The following ZNF254 variants were observed in gnomAD, a reference collection of about 807,000 sequenced individuals.
ZNF254 encodes CTD-2017D11.1.
A neutral mutation model predicts 12.4 loss-of-function variants in ZNF254; 10 were observed. The observed-to-expected ratio is 0.80, with a 90% CI of 0.50 to 1.36. ZNF254 has a LOEUF of 1.36. ZNF254 is among the 40% of genes most tolerant of loss of function. ZNF254 has a pLI of 0.00. For missense variants in ZNF254, 996 were observed against 763.9 expected (o/e 1.30, Z -3.58); for synonymous variants, 305 against 253.4 (o/e 1.20, Z -1.93).
intron 2 of ZNF254, among the ~76,000 whole-genome samples, chr19:24,073,568 T>G (rs916367708): frequency 6.6e-6 from 1 of 152,212 alleles, no homozygotes; most frequent in Admixed American, 6.5e-5. Flanking sequence ...GATTGTCATC[T>G]TTCCACATGA....
rs371484637 is a variant in ZNF254 at position 24,127,416 on chromosome 19, A to G, written c.1416A>G (p.Ile472Met). 41 of 1,609,252 alleles carry G rather than the reference A, an allele frequency of 2.5e-5. No individual in the cohort carries two copies. The highest frequency in any genetic ancestry group is 3.3e-5 in the Non-Finnish European group (39 of 1,177,896). Residue 472 changes from isoleucine to methionine, a missense_variant, in exon 4 of 4, where the codon ATA (isoleucine) becomes ATG (methionine). Physicochemically the swap from Ile to Met is conservative, Grantham distance 10. Coordinates refer to ENST00000357002, the MANE Select transcript of ZNF254 (RefSeq NM_203282.4). ...GTGAAGAATGTGGCAAGGCATTTAT[A>G]TGGTCCTCAACCCTAACTAGACATA... ...YKCEECGKAFIWSSTLTRHKR... is the reference protein window; with the variant it reads ...YKCEECGKAFMWSSTLTRHKR...
intron 2 of ZNF254, among the ~76,000 whole-genome samples, chr19:24,060,762 T>C (rs1372797528): frequency 6.6e-6 from 1 of 152,212 alleles, no homozygotes; most frequent in Non-Finnish European, 1.5e-5. Flanking sequence ...CTGTCCATAA[T>C]GAAGATTGTG....
At chr19:24,057,225 C>T (rs892540345) in intron 2 of ZNF254, among the ~76,000 whole-genome samples, 2 of 152,110 alleles carry the variant, frequency 1.3e-5, no homozygotes, top group African/African-American at 4.8e-5. Context: ...AGATTGTCAC[C>T]CTCATCCATG....
chr19:24,082,418 G>A (rs1398819631), upstream of ZNF254, among the ~76,000 whole-genome samples: 3 of 134,706 alleles, frequency 2.2e-5, no homozygotes, highest in African/African-American at 5.7e-5. Flanking sequence ...AGGCCGAGGC[G>A]GGCGGATCAC....
intron 1 of ZNF254, among the ~76,000 whole-genome samples, chr19:24,097,178 C>CT (rs1159651664): frequency 2.0e-5 from 3 of 151,956 alleles, no homozygotes; most frequent in East Asian, 1.9e-4. Flanking sequence ...ATTAATTGCT[C>CT]TTTTTTTGCT....
intron 3 of ZNF254, among the ~76,000 whole-genome samples, chr19:24,110,619 C>T (rs982988322): frequency 6.6e-6 from 1 of 151,994 alleles, no homozygotes; most frequent in African/African-American, 2.4e-5. Flanking sequence ...CATCGTTATG[C>T]AAAAGACTTC....
At chr19:24,044,213 C>G (rs1970286691) in intron 1 of ZNF254, among the ~76,000 whole-genome samples, 1 of 145,954 alleles carries the variant, frequency 6.9e-6, no homozygotes, top group Non-Finnish European at 1.5e-5. Context: ...GCACTCCATC[C>G]TGGCGACAGA....
chr19:24,038,641 G>A (rs910058395), intron 1 of ZNF254, among the ~76,000 whole-genome samples: 4 of 152,122 alleles, frequency 2.6e-5, no homozygotes, highest in African/African-American at 9.7e-5. Flanking sequence ...ATTCTGTATG[G>A]ACCAGTCACA....
intron 2 of ZNF254, among the ~76,000 whole-genome samples, chr19:24,071,979 G>A (rs1377801842): frequency 6.6e-6 from 1 of 152,078 alleles, no homozygotes; most frequent in African/African-American, 2.4e-5. Flanking sequence ...AAATATGGCT[G>A]GGTCCAACAG....
chr19:24,122,138 T>TA (rs1301624143), intron 3 of ZNF254, among the ~76,000 whole-genome samples: 2 of 152,244 alleles, frequency 1.3e-5, no homozygotes, highest in East Asian at 3.8e-4. Context: ...TCACACTAAT[T>TA]ATCTTGACAT....
intron 2 of ZNF254, among the ~76,000 whole-genome samples, chr19:24,060,789 A>G (rs1971036792): frequency 6.6e-6 from 1 of 152,226 alleles, no homozygotes; most frequent in African/African-American, 2.4e-5. Flanking sequence ...CACTTGGCCC[A>G]GCACCTATGT....
At chr19:24,118,133 A>G (rs996063833) in intron 3 of ZNF254, among the ~76,000 whole-genome samples, 16 of 150,056 alleles carry the variant, frequency 1.1e-4, no homozygotes, top group Non-Finnish European at 2.1e-4. Flanking sequence ...ACTCACTGCA[A>G]CCTCCGCCTC....
At position 24,126,325 on chromosome 19, in the gene ZNF254, C is replaced by T. The variant is rs980800086; in HGVS notation, c.325C>T (p.Leu109=). Residue 109 remains leucine (L), a synonymous_variant, in exon 4 of 4, where the codon CTG becomes TTG. Transcript: ENST00000357002. ...GGAAGATTCTTTTCAAAAAGCAATA[C>T]TGAGAAGATATGGAAAATATGGACA... ...GMEDSFQKAI[L]RRYGKYGHEN... 7 of 1,603,722 alleles carry T rather than the reference C, an allele frequency of 4.4e-6. No homozygotes were observed. In the Admixed American group the frequency reaches 1.0e-4, roughly 23 times the overall value.
chr19:24,039,177 AG>A (rs35654033), intron 1 of ZNF254, among the ~76,000 whole-genome samples: 24,173 of 152,266 alleles, frequency 0.16, 2,103 homozygotes, highest in Middle Eastern at 0.23. Flanking sequence ...TCCACACATA[AG>A]GGCTGAAATC....
At chr19:24,038,523 G>A (rs1023612689) in intron 1 of ZNF254, among the ~76,000 whole-genome samples, 1 of 152,036 alleles carries the variant, frequency 6.6e-6, no homozygotes, top group Admixed American at 6.6e-5. Context: ...CTCCAGTTGT[G>A]TATAATTTTT....
intron 1 of ZNF254, among the ~76,000 whole-genome samples, chr19:24,100,102 G>C (rs1376608926): frequency 6.6e-6 from 1 of 152,088 alleles, no homozygotes; most frequent in Non-Finnish European, 1.5e-5. Flanking sequence ...CACTTCTAGA[G>C]GGGCTAGACC....
In ZNF254 at chr19:24,127,842, C is replaced by T. The variant is rs1366276765; in HGVS notation, c.1842C>T (p.Ser614=). Residue 614 remains serine (S), a synonymous_variant, in exon 4 of 4, where the codon TCC becomes TCT. Coordinates refer to ENST00000357002, the MANE Select transcript of ZNF254 (RefSeq NM_203282.4). ...AATGTGGCAAAGCATTTTTCTGGTC[C>T]TCAACCCTAACTAAACATAAGAGAA... The part of the protein sequence containing the change: ...CEECGKAFFW[S]STLTKHKRIH... 1 of 1,613,214 alleles carries T rather than the reference C, an allele frequency of 6.2e-7. No individual in the cohort carries two copies. Among genetic ancestry groups the T allele is most frequent in the Admixed American group, 1.7e-5 (1 of 59,912 alleles).
chr19:24,115,674 T>C (rs1204338645), intron 3 of ZNF254, among the ~76,000 whole-genome samples: 1 of 152,074 alleles, frequency 6.6e-6, no homozygotes, highest in Non-Finnish European at 1.5e-5. Flanking sequence ...TAAAGTATAA[T>C]AATAATAAAA....
In ZNF254 at chr19:24,129,883, C is replaced by T. The variant is rs1975122685; in HGVS notation, c.*1903C>T. The T allele has an allele frequency of 2.0e-5, 3 of 151,732 alleles. No individual in the cohort carries two copies. Among genetic ancestry groups the T allele is most frequent in the Non-Finnish European group, 4.4e-5 (3 of 67,934 alleles). The allele number at this position is 151,732 out of a possible 1,614,324, so 9.4% of individuals were successfully genotyped here. A position where few individuals can be genotyped will look rare whatever the true frequency, so the allele number is the denominator to read the frequency against. On this transcript the variant is annotated 3_prime_UTR_variant, in exon 4 of 4. Transcript: ENST00000357002. ...TTTTCTTTGAATATGTGACCTTTGC[C>T]TGCAAGCACATATGGACTCTTAGAA...
Sources: gnomAD v4.1 joint callset for allele counts (sites outside exome capture counted in the v4.1 genomes callset) on GRCh38, gnomAD v4.1.1 for gene constraint, MANE v1.5 for transcripts, NCBI Gene and HGNC (gene_info 2026-07-23, HGNC 2026-07-21) for gene names.